Variants in CSMD3 observed in about 807,000 individuals in gnomAD.
CSMD3 encodes the protein CUB and sushi domain-containing protein 3.
Under a neutral mutation model 435.2 loss-of-function variants are expected in CSMD3, and 177 were observed. The ratio of observed to expected loss-of-function variants is 0.41; its 90% confidence interval spans 0.36 to 0.46. The LOEUF is 0.46. CSMD3 is among the 20% of genes least tolerant of loss of function. The pLI, the probability that CSMD3 is intolerant of heterozygous loss-of-function variation, is 0.34. For missense variants in CSMD3, 4,265 were observed against 4,504.6 expected, an observed-to-expected ratio of 0.95 and a Z score of 1.52; for synonymous variants, 1,656 against 1,520.5, an observed-to-expected ratio of 1.09 and a Z score of -2.07.
chr8:113,319,205 C>T (rs987360411), intron 1 of CSMD3, among the ~76,000 whole-genome samples: 30 of 152,192 alleles, frequency 2.0e-4, no homozygotes, highest in Admixed American at 2.0e-3. Context: ...CTTTTCTCCA[C>T]ATCCCTGACA....
In CSMD3 at chr8:113,202,607, A is replaced by G. The variant is rs57100485; in HGVS notation, c.515-28691T>C. Among the ~76,000 whole-genome samples, 1,218 of 152,238 alleles carry G rather than the reference A, an allele frequency of 8.0e-3. 19 individuals carry two copies. Among genetic ancestry groups the G allele is most frequent in the African/African-American group, 0.028 (1,167 of 41,550 alleles). On this transcript the variant is annotated intron_variant, in intron 3 of 70. Coordinates refer to ENST00000297405, the MANE Select transcript of CSMD3 (RefSeq NM_198123.2). The stretch of plus-strand genomic sequence containing the variant: ...TATTCTGAAAAATTTCCAAAAAGCA[A>G]TATTATCTGCATTCTCAAAGAACTT...
chr8:112,342,842 C>A (rs1439359046), intron 41 of CSMD3, among the ~76,000 whole-genome samples: 1 of 151,340 alleles, frequency 6.6e-6, no homozygotes, highest in Admixed American at 6.6e-5. Flanking sequence ...GGACATGCAA[C>A]CTTAATATGT....
intron 10 of CSMD3, 39 bp from the exon 11 acceptor site, chr8:112,859,305 C>G (rs2129863008): frequency 1.3e-6 from 2 of 1,569,542 alleles, no homozygotes; most frequent in Non-Finnish European, 1.8e-6. Context: ...GAACATATGT[C>G]ACATGTAAAA....
At chr8:112,620,020 C>G (rs1833947337) in intron 22 of CSMD3, among the ~76,000 whole-genome samples, 1 of 151,914 alleles carries the variant, frequency 6.6e-6, no homozygotes, top group South Asian at 2.1e-4. Context: ...AATAAATAAC[C>G]AGGGATGGAA....
chr8:113,111,974 C>A (rs1228323833), intron 4 of CSMD3, among the ~76,000 whole-genome samples: 2 of 152,080 alleles, frequency 1.3e-5, no homozygotes, highest in Non-Finnish European at 2.9e-5. Context: ...AGCCACTGCG[C>A]CTGGCTGTGT....
chr8:112,920,885 T>C (rs2082713106), intron 10 of CSMD3, among the ~76,000 whole-genome samples: 1 of 150,250 alleles, frequency 6.7e-6, no homozygotes, highest in African/African-American at 2.4e-5. Flanking sequence ...ATGAGTTTTG[T>C]CCAGTCAATA....
At chr8:113,091,653 G>T (rs559226710) in intron 5 of CSMD3, among the ~76,000 whole-genome samples, 1 of 151,524 alleles carries the variant, frequency 6.6e-6, no homozygotes, top group Admixed American at 6.6e-5. Flanking sequence ...ATGTGTATCT[G>T]CTCTCCATCT....
intron 32 of CSMD3, among the ~76,000 whole-genome samples, chr8:112,433,560 G>A (rs1813957160): frequency 6.7e-6 from 1 of 149,388 alleles, no homozygotes; most frequent in African/African-American, 2.4e-5. Flanking sequence ...AGAGTGTTGA[G>A]GTAGTGGGAT....
At chr8:112,476,095 G>A (rs756158923) in intron 31 of CSMD3, among the ~76,000 whole-genome samples, 26 of 151,812 alleles carry the variant, frequency 1.7e-4, no homozygotes, top group South Asian at 6.3e-4. Flanking sequence ...GCCCAGGCTG[G>A]AGTGCAATGA....
intron 5 of CSMD3, among the ~76,000 whole-genome samples, chr8:113,085,310 G>T (rs2089721682): frequency 6.6e-6 from 1 of 151,400 alleles, no homozygotes; most frequent in Non-Finnish European, 1.5e-5. Context: ...TTGAGAAAAG[G>T]AAAGTCATAC....
chr8:113,201,373 T>G (rs56362921), intron 3 of CSMD3, among the ~76,000 whole-genome samples: 14,581 of 151,992 alleles, frequency 0.096, 908 homozygotes, highest in Middle Eastern at 0.17. Context: ...AAATTAGTCA[T>G]AACAAATTTC....
intron 13 of CSMD3, among the ~76,000 whole-genome samples, chr8:112,783,526 AGGAC>A (rs2132256961): frequency 6.7e-6 from 1 of 149,588 alleles, no homozygotes; most frequent in Admixed American, 6.7e-5. Flanking sequence ...GAGGGAGGGA[AGGAC>A]GGAGGGAAGA....
intron 10 of CSMD3, among the ~76,000 whole-genome samples, chr8:112,904,567 C>T (rs1030937938): frequency 1.3e-5 from 2 of 151,222 alleles, no homozygotes; most frequent in African/African-American, 4.8e-5. Context: ...TTTATGAGGA[C>T]CTTGAAGGTG....
intron 40 of CSMD3, among the ~76,000 whole-genome samples, chr8:112,348,582 A>AC (rs1290695534): frequency 1.3e-5 from 2 of 151,994 alleles, no homozygotes; most frequent in African/African-American, 4.8e-5. Context: ...TTTATAAAAT[A>AC]CAAAAAAAAA....
intron 6 of CSMD3, among the ~76,000 whole-genome samples, chr8:113,007,747 T>A (rs1418682571): frequency 6.6e-6 from 1 of 152,052 alleles, no homozygotes; most frequent in East Asian, 1.9e-4. Flanking sequence ...TTTGTCAGTA[T>A]ACCTAACTGG....
At chr8:112,548,104 A>T (rs1310623067) in intron 27 of CSMD3, among the ~76,000 whole-genome samples, 1 of 152,150 alleles carries the variant, frequency 6.6e-6, no homozygotes. Flanking sequence ...TAGAAACTAG[A>T]TGACTTTAGA....
chr8:113,352,388 C>G (rs764675302), intron 1 of CSMD3, among the ~76,000 whole-genome samples: 3 of 152,052 alleles, frequency 2.0e-5, no homozygotes, highest in Non-Finnish European at 4.4e-5. Flanking sequence ...CTGGAAGAAG[C>G]AAGGCAGGAT....
At chr8:112,370,113 G>T (rs1828244948) in intron 38 of CSMD3, among the ~76,000 whole-genome samples, 1 of 150,566 alleles carries the variant, frequency 6.6e-6, no homozygotes, top group African/African-American at 2.5e-5. Flanking sequence ...TCAGGTATTT[G>T]TATACTCAGT....
At chr8:112,614,794 T>A (rs1286971431) in intron 22 of CSMD3, among the ~76,000 whole-genome samples, 1 of 152,134 alleles carries the variant, frequency 6.6e-6, no homozygotes, top group Non-Finnish European at 1.5e-5. Flanking sequence ...GTTATCAGGA[T>A]TGGAATTTGA....
Sources: allele counts gnomAD v4.1 joint callset (sites outside exome capture counted in the v4.1 genomes callset), GRCh38; gene constraint gnomAD v4.1.1; transcripts MANE v1.5; gene names NCBI Gene and HGNC (gene_info 2026-07-23, HGNC 2026-07-21).